The following NCKAP5 variants were observed in gnomAD, a reference collection of about 807,000 sequenced individuals.
NCKAP5 encodes the protein NCK associated protein 5.
In NCKAP5, 92 loss-of-function variants were observed where a neutral mutation model predicts 167.0. That is an observed-to-expected ratio of 0.55 (90% CI 0.47 to 0.66). The LOEUF is 0.66. Among genes scored for constraint, NCKAP5 ranks in the 30% least tolerant of loss-of-function variants. NCKAP5 has a pLI of 0.00. For missense variants in NCKAP5, 2,378 were observed against 2,315.0 expected (o/e 1.03, Z -0.56); for synonymous variants, 891 against 877.4 (o/e 1.02, Z -0.27).
chr2:132,814,036 A>G (rs1686084287), intron 11 of NCKAP5, among the ~76,000 whole-genome samples: 1 of 152,202 alleles, frequency 6.6e-6, no homozygotes, highest in South Asian at 2.1e-4. Context: ...TACTAGGACA[A>G]GTTGCTGGAG....
intron 6 of NCKAP5, among the ~76,000 whole-genome samples, chr2:133,057,101 A>C (rs1487240337): frequency 6.6e-6 from 1 of 152,180 alleles, no homozygotes; most frequent in East Asian, 1.9e-4. Flanking sequence ...TTGGAACACC[A>C]CAAATCGTGC....
intron 4 of NCKAP5, among the ~76,000 whole-genome samples, chr2:133,275,803 A>C (rs543658715): frequency 6.6e-6 from 1 of 151,996 alleles, no homozygotes; most frequent in East Asian, 1.9e-4. Context: ...ATCAGAATCT[A>C]GTTGCCTTTC....
intron 3 of NCKAP5, among the ~76,000 whole-genome samples, chr2:133,503,553 A>T (rs986057239): frequency 4.6e-5 from 7 of 152,184 alleles, no homozygotes; most frequent in Admixed American, 2.0e-4. Flanking sequence ...GCCCTGCAGC[A>T]ACACACTTAT....
chr2:132,715,186 T>C (rs1487687881), intron 19 of NCKAP5, among the ~76,000 whole-genome samples: 1 of 152,206 alleles, frequency 6.6e-6, no homozygotes, highest in African/African-American at 2.4e-5. Flanking sequence ...AGACTGCACC[T>C]TGCTTTTTCC....
At chr2:132,816,155 C>T (rs912838841) in intron 11 of NCKAP5, among the ~76,000 whole-genome samples, 9 of 151,982 alleles carry the variant, frequency 5.9e-5, no homozygotes, top group East Asian at 3.9e-4. Context: ...CTCTTGGATT[C>T]GTAAGGTTGT....
intron 3 of NCKAP5, among the ~76,000 whole-genome samples, chr2:133,373,350 C>T (rs936498374): frequency 1.8e-4 from 27 of 152,010 alleles, no homozygotes; most frequent in African/African-American, 3.6e-4. Context: ...TGAGCCACCA[C>T]GCCTGGCCAA....
intron 4 of NCKAP5, among the ~76,000 whole-genome samples, chr2:133,244,897 C>A (rs1358105704): frequency 1.3e-5 from 2 of 152,108 alleles, no homozygotes; most frequent in Non-Finnish European, 2.9e-5. Context: ...ATCTTGATGA[C>A]TTTGGAAGAG....
chr2:133,156,727 T>A (rs1437871022), intron 5 of NCKAP5, among the ~76,000 whole-genome samples: 1 of 152,148 alleles, frequency 6.6e-6, no homozygotes, highest in East Asian at 1.9e-4. Context: ...CCTGCTTCCT[T>A]GCCTCCTAAC....
intron 2 of NCKAP5, among the ~76,000 whole-genome samples, chr2:133,558,704 C>CAAAAAAAAAAAAAAAAAAAAAAAA (rs60051493): frequency 1.2e-4 from 6 of 50,870 alleles, no homozygotes; most frequent in Admixed American, 3.1e-4. Flanking sequence ...ATGTGCTGAG[C>CAAAAAAAAAAAAAAAAAAAAAAAA]AAAAAAAAAA....
chr2:133,518,732 T>G (rs575151269), intron 2 of NCKAP5, among the ~76,000 whole-genome samples: 2 of 152,224 alleles, frequency 1.3e-5, no homozygotes, highest in African/African-American at 4.8e-5. Flanking sequence ...TTTTCTCAAC[T>G]ACAAAACATG....
At position 132,784,263 on chromosome 2, in the gene NCKAP5, T is replaced by C. The variant is rs750868539; in HGVS notation, c.2548A>G (p.Thr850Ala). 5.0e-6 allele frequency: 8 copies of C among 1,610,352 alleles called. No individual in the cohort carries two copies. The East Asian group carries it at 1.8e-4, about 36-fold the overall frequency. ...TCAAAGAGGGGCCCTGAGCTCTCAG[T>C]CTTCATGAATCGTGAGAGTTTCCCA... The part of the protein sequence containing the change: ...APGKLSRFMK[T>A]ESSGPLFELR... Residue 850 changes from threonine to alanine, a missense_variant, in exon 14 of 20, where the codon ACT becomes GCT. Physicochemically the swap from Thr to Ala is moderately conservative, Grantham distance 58. Coordinates refer to ENST00000409261, the MANE Select transcript of NCKAP5 (RefSeq NM_207363.3).
chr2:132,797,478 T>C (rs535703920), intron 11 of NCKAP5, among the ~76,000 whole-genome samples: 3 of 152,330 alleles, frequency 2.0e-5, no homozygotes, highest in South Asian at 4.1e-4. Flanking sequence ...TCGTGATTTA[T>C]GCTTAATGTT....
At chr2:133,546,653 G>T (rs1686706252) in intron 2 of NCKAP5, among the ~76,000 whole-genome samples, 1 of 152,008 alleles carries the variant, frequency 6.6e-6, no homozygotes, top group South Asian at 2.1e-4. Flanking sequence ...CCCAGCACCA[G>T]CAGGCAAAAA....
the NCKAP5 span, among the ~76,000 whole-genome samples, chr2:133,659,895 T>C: frequency 6.6e-6 from 1 of 152,166 alleles, no homozygotes; most frequent in Non-Finnish European, 1.5e-5. Flanking sequence ...GCATATTATA[T>C]ATGCATATTA....
intron 6 of NCKAP5, among the ~76,000 whole-genome samples, chr2:133,054,269 G>A (rs1550243): frequency 0.62 from 93,903 of 152,044 alleles, 30,446 homozygotes; most frequent in East Asian, 0.96. Context: ...CAATATGATG[G>A]TATGTTACCT....
At chr2:133,593,554 T>C in the NCKAP5 span, among the ~76,000 whole-genome samples, 1 of 152,220 alleles carries the variant, frequency 6.6e-6, no homozygotes, top group African/African-American at 2.4e-5. Context: ...TTTTTTATTC[T>C]CTTTTTGCCG....
intron 8 of NCKAP5, among the ~76,000 whole-genome samples, chr2:132,918,415 T>C (rs182252388): frequency 6.6e-6 from 1 of 152,228 alleles, no homozygotes; most frequent in African/African-American, 2.4e-5. Context: ...GTTTCTCTCT[T>C]GCTAGAAAAG....
intron 6 of NCKAP5, among the ~76,000 whole-genome samples, chr2:133,090,639 T>C (rs2081145592): frequency 6.6e-6 from 1 of 152,134 alleles, no homozygotes; most frequent in East Asian, 1.9e-4. Context: ...CCACCAAGTC[T>C]GTGGTAATTG....
intron 6 of NCKAP5, among the ~76,000 whole-genome samples, chr2:133,090,791 G>T (rs1201568942): frequency 1.6e-5 from 1 of 62,006 alleles, no homozygotes; most frequent in African/African-American, 9.1e-5. Flanking sequence ...GAGACTTGGC[G>T]GGGGAAATTA....
Sources: allele counts gnomAD v4.1 joint callset (sites outside exome capture counted in the v4.1 genomes callset), GRCh38; gene constraint gnomAD v4.1.1; transcripts MANE v1.5; gene names NCBI Gene and HGNC (gene_info 2026-07-23, HGNC 2026-07-21).